Variants in ERBB4 observed in about 807,000 individuals in gnomAD.
ERBB4 encodes the protein erb-b2 receptor tyrosine kinase 4.
ERBB4 carries 42 observed loss-of-function variants against 158.0 expected under a neutral mutation model. The ratio of observed to expected loss-of-function variants is 0.27; its 90% CI spans 0.21 to 0.34. The LOEUF (loss-of-function observed/expected upper bound fraction) is 0.34. Among genes scored for constraint, ERBB4 ranks in the 10% least tolerant of loss-of-function variants. The pLI, the probability that ERBB4 is intolerant of heterozygous loss-of-function variation, is 1.00. For missense variants in ERBB4, 1,333 were observed against 1,624.1 expected (o/e 0.82, Z 3.08); for synonymous variants, 583 against 558.7 (o/e 1.04, Z -0.61).
At chr2:212,478,433 T>C (rs1689516198) in intron 1 of ERBB4, among the ~76,000 whole-genome samples, 1 of 151,942 alleles carries the variant, frequency 6.6e-6, no homozygotes, top group South Asian at 2.1e-4. Flanking sequence ...CATTGAGAGT[T>C]TCATAGGTAA....
Position 212,322,892 on chromosome 2 carries a change from C to T in ERBB4, c.83-197989G>A, listed in dbSNP as rs903423048. On this transcript the variant is annotated intron_variant, in intron 1 of 27. Transcript: ENST00000342788. Reference sequence around the variant, plus strand: ...TTTTATATACATATGGTAAACAGAACTAATTCCTTGCTAATATTTCTGCTA... The same window carrying T: ...TTTTATATACATATGGTAAACAGAATTAATTCCTTGCTAATATTTCTGCTA... Among the ~76,000 whole-genome samples the T allele has an allele frequency of 6.0e-5, 9 of 149,920 alleles. 1 individual carries two copies. Among genetic ancestry groups the T allele is most frequent in the African/African-American group, 2.4e-5 (1 of 41,156 alleles).
chr2:211,839,781 C>A (rs1043352886), intron 3 of ERBB4, among the ~76,000 whole-genome samples: 1 of 152,072 alleles, frequency 6.6e-6, no homozygotes, highest in Non-Finnish European at 1.5e-5. Context: ...ATTCATATTA[C>A]GTGTAGTTCT....
intron 1 of ERBB4, among the ~76,000 whole-genome samples, chr2:212,314,547 C>A (rs2087189902): frequency 6.7e-6 from 1 of 150,344 alleles, no homozygotes. Context: ...TTCTACTAAG[C>A]AGTATAGAAT....
At chr2:212,054,986 C>T (rs1235217491) in intron 2 of ERBB4, among the ~76,000 whole-genome samples, 1 of 151,982 alleles carries the variant, frequency 6.6e-6, no homozygotes, top group Non-Finnish European at 1.5e-5. Context: ...TGAGCGAGAG[C>T]CAAAGTAGGG....
rs866349304 is a variant in ERBB4 at position 211,762,295 on chromosome 2, C to T, written c.557-11591G>A. Among the ~76,000 whole-genome samples, 11 of 152,248 alleles carry T rather than the reference C, an allele frequency of 7.2e-5. No homozygotes were observed. In the Middle Eastern group the frequency reaches 0.02, roughly 282 times the overall value. On this transcript the variant is annotated intron_variant, in intron 4 of 27. Coordinates refer to ENST00000342788, the MANE Select transcript of ERBB4 (RefSeq NM_005235.3). Reference sequence around the variant, plus strand: ...GAGGGTGTGACCCCTTAGAGGCTTTCGCAGGCATAGCAGACAAAGACAAGC... The same window carrying T: ...GAGGGTGTGACCCCTTAGAGGCTTTTGCAGGCATAGCAGACAAAGACAAGC...
At chr2:212,510,635 C>T (rs1306404484) in intron 1 of ERBB4, among the ~76,000 whole-genome samples, 1 of 151,962 alleles carries the variant, frequency 6.6e-6, no homozygotes, top group Non-Finnish European at 1.5e-5. Context: ...TAGGAGATCA[C>T]ATAATTGTGA....
chr2:211,405,284 T>C (rs1285489166), intron 25 of ERBB4, among the ~76,000 whole-genome samples: 1 of 152,160 alleles, frequency 6.6e-6, no homozygotes, highest in Non-Finnish European at 1.5e-5. Flanking sequence ...GCAATTCGAA[T>C]GTCTTCCGTT....
intron 20 of ERBB4, among the ~76,000 whole-genome samples, chr2:211,527,887 C>G (rs924662707): frequency 2.0e-5 from 3 of 151,722 alleles, no homozygotes; most frequent in African/African-American, 7.3e-5. Context: ...AAGCAAGAAA[C>G]TAAGTCCTCT....
At chr2:211,995,985 T>G (rs2082192330) in intron 2 of ERBB4, among the ~76,000 whole-genome samples, 1 of 152,194 alleles carries the variant, frequency 6.6e-6, no homozygotes, top group South Asian at 2.1e-4. Context: ...CCTAGAATGA[T>G]GCCTTAAGGT....
At chr2:212,259,006 A>C (rs1381452759) in intron 1 of ERBB4, among the ~76,000 whole-genome samples, 1 of 152,182 alleles carries the variant, frequency 6.6e-6, no homozygotes, top group Non-Finnish European at 1.5e-5. Context: ...TTTTAAAAAA[A>C]GATTGACTTA....
intron 8 of ERBB4, among the ~76,000 whole-genome samples, chr2:211,712,460 C>T (rs997287482): frequency 6.6e-6 from 1 of 152,012 alleles, no homozygotes; most frequent in African/African-American, 2.4e-5. Flanking sequence ...ATACATAAGT[C>T]TTACAGAAAT....
At chr2:211,495,143 A>C (rs2065438756) in intron 20 of ERBB4, among the ~76,000 whole-genome samples, 1 of 152,082 alleles carries the variant, frequency 6.6e-6, no homozygotes, top group Non-Finnish European at 1.5e-5. Flanking sequence ...TAGAAACTAC[A>C]CTTATTGGAC....
chr2:212,139,900 G>T (rs1290551748), intron 1 of ERBB4, among the ~76,000 whole-genome samples: 2 of 151,654 alleles, frequency 1.3e-5, no homozygotes, highest in Non-Finnish European at 3.0e-5. Flanking sequence ...AAAATAATAT[G>T]CACTTTATGA....
At chr2:211,539,716 G>A (rs146428680) in intron 20 of ERBB4, among the ~76,000 whole-genome samples, 17 of 151,962 alleles carry the variant, frequency 1.1e-4, no homozygotes, top group Non-Finnish European at 2.4e-4. Context: ...TACTATACAA[G>A]CCTCCTTTAA....
At chr2:211,492,717 C>T (rs1410016680) in intron 20 of ERBB4, among the ~76,000 whole-genome samples, 1 of 152,086 alleles carries the variant, frequency 6.6e-6, no homozygotes, top group Non-Finnish European at 1.5e-5. Flanking sequence ...CACTGTCAAA[C>T]TATATCTTGA....
chr2:211,396,956 T>C (rs959517911), intron 25 of ERBB4, among the ~76,000 whole-genome samples: 3 of 152,192 alleles, frequency 2.0e-5, no homozygotes, highest in African/African-American at 7.2e-5. Flanking sequence ...CTGGTTCCTG[T>C]GAGCTGATCT....
intron 20 of ERBB4, among the ~76,000 whole-genome samples, chr2:211,534,537 G>A (rs2066592083): frequency 6.6e-6 from 1 of 151,970 alleles, no homozygotes; most frequent in Admixed American, 6.6e-5. Context: ...AATGGCCAGT[G>A]GCAACTACAT....
chr2:211,464,337 G>A (rs1490552493), intron 20 of ERBB4, among the ~76,000 whole-genome samples: 1 of 152,152 alleles, frequency 6.6e-6, no homozygotes, highest in South Asian at 2.1e-4. Flanking sequence ...GTAGAGTTAT[G>A]CAATACTGTG....
At chr2:211,547,154 G>A (rs2066962178) in intron 20 of ERBB4, among the ~76,000 whole-genome samples, 1 of 151,996 alleles carries the variant, frequency 6.6e-6, no homozygotes, top group Non-Finnish European at 1.5e-5. Flanking sequence ...AGTTATACAA[G>A]ATGTTATTAT....
Sources: gnomAD v4.1 joint callset for allele counts (sites outside exome capture counted in the v4.1 genomes callset) on GRCh38, gnomAD v4.1.1 for gene constraint, MANE v1.5 for transcripts, NCBI Gene and HGNC (gene_info 2026-07-23, HGNC 2026-07-21) for gene names.